The following PDZRN3 variants were observed in gnomAD, a reference collection of about 807,000 sequenced individuals.
PDZRN3 encodes the protein E3 ubiquitin-protein ligase PDZRN3.
Under a neutral mutation model 85.7 loss-of-function variants are expected in PDZRN3, and 38 were observed. The ratio of observed to expected loss-of-function variants is 0.44; its 90% CI spans 0.34 to 0.58. PDZRN3 has a LOEUF of 0.58. Among genes scored for constraint, PDZRN3 ranks in the 20% least tolerant of loss-of-function variants. The pLI is 0.01. For missense variants in PDZRN3, 1,629 were observed against 1,506.4 expected (o/e 1.08, Z -1.35); for synonymous variants, 759 against 638.0 (o/e 1.19, Z -2.86).
intron 3 of PDZRN3, among the ~76,000 whole-genome samples, chr3:73,429,285 C>T: frequency 6.6e-6 from 1 of 152,240 alleles, no homozygotes; most frequent in Non-Finnish European, 1.5e-5. Flanking sequence ...TAAAACAAAG[C>T]TTTTAGAATT....
rs182983710 is a variant in PDZRN3 at position 73,408,053 on chromosome 3, C to G, written c.919-3658G>C. Reference sequence around the variant, plus strand: ...TTCCACAGAAACGCATTTCTGACAACTGTGCCCAAGAAAACAATTTTAGTA... The same window carrying G: ...TTCCACAGAAACGCATTTCTGACAAGTGTGCCCAAGAAAACAATTTTAGTA... On this transcript the variant is annotated intron_variant, in intron 3 of 9. Transcript: ENST00000263666. 6.0e-6 allele frequency: 4 copies of G among 664,312 alleles called. No homozygotes were observed. The Admixed American group carries it at 9.1e-5, about 15-fold the overall frequency. The allele number at this position is 664,312 out of a possible 1,614,324, so 41.2% of individuals were successfully genotyped here.
At chr3:73,497,573 A>G (rs189300077) in intron 3 of PDZRN3, among the ~76,000 whole-genome samples, 203 of 152,254 alleles carry the variant, frequency 1.3e-3, no homozygotes, top group Non-Finnish European at 1.4e-3. Flanking sequence ...CCATTGTAAA[A>G]TTTTTTTTAT....
intron 3 of PDZRN3, among the ~76,000 whole-genome samples, chr3:73,414,439 T>C (rs1702035953): frequency 6.6e-6 from 1 of 151,754 alleles, no homozygotes; most frequent in African/African-American, 2.4e-5. Flanking sequence ...TGTTCTTTTT[T>C]TTTGTTTTGT....
intron 3 of PDZRN3, among the ~76,000 whole-genome samples, chr3:73,566,217 C>G (rs1380470843): frequency 1.3e-5 from 2 of 152,150 alleles, no homozygotes; most frequent in Non-Finnish European, 2.9e-5. Flanking sequence ...ATTTCTTTTC[C>G]TGGTTTACAC....
In PDZRN3 at chr3:73,624,531, G is replaced by T; in HGVS notation, c.295C>A (p.Pro99Thr). Residue 99 changes from proline (P) to threonine (T), a missense_variant, in exon 1 of 10, where the codon CCG becomes ACG. By Grantham distance (38) the Pro-to-Thr change is conservative. Transcript: ENST00000263666. ...AAGTCGCAGCGCTCGAGGTGCTCCG[G>T]CAGCTGCTGCAGCTTGACCACCCGG... ...CGRVVKLQQL[P>T]EHLERCDFAP... 1 of 1,479,902 alleles carries T rather than the reference G, an allele frequency of 6.8e-7. No homozygotes were observed. The highest frequency in any genetic ancestry group is 2.5e-5 in the Admixed American group (1 of 39,860). The allele number at this position is 1,479,902 out of a possible 1,614,324, so 91.7% of individuals were successfully genotyped here.
At chr3:73,584,011 T>C (rs970740553) in intron 3 of PDZRN3, among the ~76,000 whole-genome samples, 7 of 152,126 alleles carry the variant, frequency 4.6e-5, no homozygotes, top group African/African-American at 1.4e-4. Context: ...TCCTAGGTGG[T>C]CTGTAACATG....
chr3:73,433,725 AG>A, intron 3 of PDZRN3: 1 of 1,536,122 alleles, frequency 6.5e-7, no homozygotes, highest in East Asian at 2.4e-5. Context: ...AAAACGTCAA[AG>A]GAAGGCTTCC....
chr3:73,578,118 T>C (rs1702150273), intron 3 of PDZRN3, among the ~76,000 whole-genome samples: 1 of 152,108 alleles, frequency 6.6e-6, no homozygotes, highest in South Asian at 2.1e-4. Context: ...AAGTGTGCCA[T>C]TTGTTTACTA....
In PDZRN3 at chr3:73,624,771, C is replaced by T. The variant is rs1329475983; in HGVS notation, c.55G>A (p.Ala19Thr). The change falls in exon 1 of 10, where the codon GCG becomes ACG. Residue 19 changes from alanine (A) to threonine (T), a missense_variant. Coordinates refer to ENST00000263666, the MANE Select transcript of PDZRN3 (RefSeq NM_015009.3). ...TCCTCCAGGACCTTGTGGCACAGCGCGCACTTCAGGTCCGGGTCCACGTCG... is the reference window on the plus strand; with the variant it reads ...TCCTCCAGGACCTTGTGGCACAGCGTGCACTTCAGGTCCGGGTCCACGTCG... Reference protein sequence around the residue: ...DGDVDPDLKCALCHKVLEDPL... With the variant: ...DGDVDPDLKCTLCHKVLEDPL... 1 of 1,476,124 alleles carries T rather than the reference C, an allele frequency of 6.8e-7. No homozygotes were observed. The highest frequency in any genetic ancestry group is 1.4e-5 in the African/African-American group (1 of 69,170). 91.4% of individuals were successfully genotyped at this position (1,476,124 alleles called of 1,614,324 possible).
chr3:73,399,266 T>C lies in PDZRN3; in HGVS notation c.1254+1656A>G, dbSNP rs187114754. 9.9e-5 allele frequency among the ~76,000 whole-genome samples: 15 copies of C among 152,276 alleles called. No homozygotes were observed. The East Asian group carries it at 2.3e-3, about 24-fold the overall frequency. On this transcript the variant is annotated intron_variant, in intron 5 of 9. Transcript: ENST00000263666. The stretch of plus-strand genomic sequence containing the variant: ...AGAACTCTACTTTGCCACAATTACA[T>C]CATCAAAAAGCAGTGTCGTCCCATA...
At chr3:73,541,186 G>A (rs982219808) in intron 3 of PDZRN3, among the ~76,000 whole-genome samples, 3 of 152,160 alleles carry the variant, frequency 2.0e-5, no homozygotes, top group African/African-American at 4.8e-5. Flanking sequence ...TGACTCACCT[G>A]TGGTATACAT....
chr3:73,435,620 T>C (rs1359170613), intron 3 of PDZRN3, among the ~76,000 whole-genome samples: 1 of 152,188 alleles, frequency 6.6e-6, no homozygotes. Context: ...TCAGTGAGTC[T>C]GGTCTGTTCG....
chr3:73,435,435 A>T (rs1702513261), intron 3 of PDZRN3, among the ~76,000 whole-genome samples: 1 of 152,216 alleles, frequency 6.6e-6, no homozygotes, highest in Non-Finnish European at 1.5e-5. Flanking sequence ...GCAGGGCCCT[A>T]TTAACCCATG....
rs147583946 is a variant in PDZRN3 at position 73,599,089 on chromosome 3, G to A, written c.918+3265C>T. On this transcript the variant is annotated intron_variant, in intron 3 of 9. Coordinates refer to ENST00000263666, the MANE Select transcript of PDZRN3 (RefSeq NM_015009.3). The stretch of plus-strand genomic sequence containing the variant: ...ATTACCTGAGCATAGACCTAGCTCT[G>A]TTTTACATATAAACACAACAGAGTT... 8.1e-4 allele frequency among the ~76,000 whole-genome samples: 124 copies of A among 152,274 alleles called. 1 individual carries two copies. Among genetic ancestry groups the A allele is most frequent in the African/African-American group, 2.8e-3 (115 of 41,560 alleles).
chr3:73,482,892 A>C (rs1057002977), intron 3 of PDZRN3, among the ~76,000 whole-genome samples: 1 of 152,224 alleles, frequency 6.6e-6, no homozygotes, highest in African/African-American at 2.4e-5. Context: ...AATCCAAAGA[A>C]GGCACTGCTC....
At chr3:73,412,945 G>T (rs1702002808) in intron 3 of PDZRN3, among the ~76,000 whole-genome samples, 5 of 152,174 alleles carry the variant, frequency 3.3e-5, no homozygotes, top group Admixed American at 3.3e-4. Context: ...CTAAGTCCGT[G>T]CTCTGCCATT....
chr3:73,513,761 G>C (rs950039578), intron 3 of PDZRN3, among the ~76,000 whole-genome samples: 2 of 152,170 alleles, frequency 1.3e-5, no homozygotes, highest in African/African-American at 2.4e-5. Context: ...AAAATATTCT[G>C]ACCCACAGTT....
chr3:73,612,093 T>C (rs948004032), intron 1 of PDZRN3, among the ~76,000 whole-genome samples: 3 of 150,826 alleles, frequency 2.0e-5, no homozygotes, highest in African/African-American at 7.5e-5. Context: ...TCATAACCCA[T>C]GATTTGCAAT....
chr3:73,397,221 G>A (rs1338202956), intron 5 of PDZRN3, among the ~76,000 whole-genome samples: 3 of 151,882 alleles, frequency 2.0e-5, no homozygotes, highest in Admixed American at 2.0e-4. Context: ...TTTTCTCTGT[G>A]CATTTGCTTT....
Sources: gnomAD v4.1 joint callset for allele counts (sites outside exome capture counted in the v4.1 genomes callset) on GRCh38, gnomAD v4.1.1 for gene constraint, MANE v1.5 for transcripts, NCBI Gene and HGNC (gene_info 2026-07-23, HGNC 2026-07-21) for gene names.